Variants in EBF1 observed in about 807,000 individuals in gnomAD.
EBF1 encodes the protein EBF transcription factor 1.
EBF1 carries 10 observed loss-of-function variants against 68.4 expected under a neutral mutation model. The ratio of observed to expected loss-of-function variants is 0.15; its 90% CI spans 0.09 to 0.25. The LOEUF (loss-of-function observed/expected upper bound fraction) is 0.25. Among genes scored for constraint, EBF1 ranks in the 10% least tolerant of loss-of-function variants. The probability of loss-of-function intolerance (pLI) is 1.00; values close to 1 mark genes in which losing one functional copy is unlikely to be tolerated. For synonymous variants in EBF1, 298 were observed against 299.8 expected, an observed-to-expected ratio of 0.99 and a Z score of 0.06; for missense variants, 509 against 794.4, an observed-to-expected ratio of 0.64 and a Z score of 4.32.
intron 6 of EBF1, among the ~76,000 whole-genome samples, chr5:158,944,974 C>A (rs1561587681): frequency 6.6e-6 from 1 of 152,030 alleles, no homozygotes; most frequent in African/African-American, 2.4e-5. Context: ...GATATTAGCC[C>A]TTTGTCAGAT....
intron 6 of EBF1, among the ~76,000 whole-genome samples, chr5:158,876,883 G>A (rs559090630): frequency 6.6e-6 from 1 of 152,084 alleles, no homozygotes; most frequent in African/African-American, 2.4e-5. Context: ...TTCATAATAG[G>A]AGGGTAACAT....
At chr5:158,883,244 T>A (rs73300061) in intron 6 of EBF1, among the ~76,000 whole-genome samples, 7 of 152,024 alleles carry the variant, frequency 4.6e-5, no homozygotes, top group Non-Finnish European at 1.0e-4. Context: ...ATAATACACA[T>A]AAAACATGAA....
intron 10 of EBF1, among the ~76,000 whole-genome samples, chr5:158,759,904 A>G (rs1026312213): frequency 6.6e-6 from 1 of 151,952 alleles, no homozygotes; most frequent in Non-Finnish European, 1.5e-5. Flanking sequence ...TTGGAATTTG[A>G]ATATTATTGC....
rs1005984836 is a variant in EBF1, at chr5:158,818,967, T to C, written c.778+4209A>G. 1.5e-4 allele frequency among the ~76,000 whole-genome samples: 22 copies of C among 150,606 alleles called. No individual in the cohort carries two copies. The South Asian group carries it at 4.6e-3, about 32-fold the overall frequency. On this transcript the variant is annotated intron_variant, in intron 8 of 15. Transcript: ENST00000313708. ...AAAAAACTAGATCTAAAGAATACCC[T>C]ACTGGGGACTTAATCCCACTCCTGG...
intron 6 of EBF1, among the ~76,000 whole-genome samples, chr5:158,979,181 T>A (rs1757420507): frequency 6.6e-6 from 1 of 152,216 alleles, no homozygotes; most frequent in African/African-American, 2.4e-5. Context: ...TAGAGACTAT[T>A]AAAATGTATA....
chr5:158,914,994 A>C (rs992704979), intron 6 of EBF1, among the ~76,000 whole-genome samples: 6 of 152,234 alleles, frequency 3.9e-5, no homozygotes, highest in African/African-American at 1.4e-4. Flanking sequence ...TTTATAATTA[A>C]TGAAAACTGT....
chr5:159,076,367 C>T (rs2127954873), intron 5 of EBF1, among the ~76,000 whole-genome samples: 1 of 152,186 alleles, frequency 6.6e-6, no homozygotes, highest in African/African-American at 2.4e-5. Context: ...CACCTCATCC[C>T]AACCCGTAGA....
At chr5:158,952,455 C>T (rs969159092) in intron 6 of EBF1, among the ~76,000 whole-genome samples, 2 of 152,124 alleles carry the variant, frequency 1.3e-5, no homozygotes, top group Non-Finnish European at 2.9e-5. Flanking sequence ...CAGTGATGGA[C>T]TAAAGAATCT....
chr5:159,090,208 T>C (rs1475109949), intron 4 of EBF1, among the ~76,000 whole-genome samples: 2 of 149,970 alleles, frequency 1.3e-5, no homozygotes, highest in Non-Finnish European at 3.0e-5. Context: ...ATAATAATCA[T>C]TACATTCAAC....
chr5:158,870,208 G>A (rs1036902710), intron 6 of EBF1, among the ~76,000 whole-genome samples: 1 of 152,182 alleles, frequency 6.6e-6, no homozygotes, highest in African/African-American at 2.4e-5. Flanking sequence ...TTGAGGTGAT[G>A]TGAACATTCT....
chr5:158,842,273 A>G (rs1397512218), intron 6 of EBF1, among the ~76,000 whole-genome samples: 1 of 152,254 alleles, frequency 6.6e-6, no homozygotes, highest in Non-Finnish European at 1.5e-5. Flanking sequence ...CATGGCTTTC[A>G]GAAACCATTT....
chr5:158,906,139 A>G (rs893595150), intron 6 of EBF1, among the ~76,000 whole-genome samples: 1 of 151,872 alleles, frequency 6.6e-6, no homozygotes, highest in African/African-American at 2.4e-5. Context: ...AGGTAGACTC[A>G]ATATATCACA....
intron 11 of EBF1, among the ~76,000 whole-genome samples, chr5:158,727,443 C>T (rs1432499362): frequency 6.6e-6 from 1 of 152,174 alleles, no homozygotes; most frequent in Non-Finnish European, 1.5e-5. Context: ...GACCATGTTC[C>T]CCATCCCCTC....
chr5:158,835,850 G>A (rs1455782452), intron 7 of EBF1, among the ~76,000 whole-genome samples: 1 of 151,900 alleles, frequency 6.6e-6, no homozygotes, highest in South Asian at 2.1e-4. Flanking sequence ...TCTTAATAAG[G>A]GTATTTTGAA....
intron 6 of EBF1, among the ~76,000 whole-genome samples, chr5:159,069,131 T>A (rs1777374973): frequency 6.6e-6 from 1 of 151,928 alleles, no homozygotes; most frequent in Non-Finnish European, 1.5e-5. Context: ...CTACATTATA[T>A]CCTTAAAAAA....
At chr5:159,059,216 T>C (rs550835420) in intron 6 of EBF1, among the ~76,000 whole-genome samples, 25 of 152,190 alleles carry the variant, frequency 1.6e-4, no homozygotes, top group Admixed American at 8.5e-4. Flanking sequence ...AACAGACATA[T>C]AATATAACAG....
At chr5:158,704,284 C>T (rs1199336609) in intron 15 of EBF1, among the ~76,000 whole-genome samples, 1 of 152,134 alleles carries the variant, frequency 6.6e-6, no homozygotes. Flanking sequence ...AATAAATATG[C>T]GTGTAGTAAC....
chr5:158,781,739 T>G (rs1276231708), intron 9 of EBF1, among the ~76,000 whole-genome samples: 1 of 152,208 alleles, frequency 6.6e-6, no homozygotes, highest in Non-Finnish European at 1.5e-5. Flanking sequence ...CACTGGCTCT[T>G]CTCTGCTTCT....
intron 7 of EBF1, among the ~76,000 whole-genome samples, chr5:158,837,435 T>C (rs931632298): frequency 1.3e-5 from 2 of 152,216 alleles, no homozygotes; most frequent in African/African-American, 4.8e-5. Context: ...ATGCAAAATA[T>C]TGCTTTCTTT....
Sources: allele counts gnomAD v4.1 joint callset (sites outside exome capture counted in the v4.1 genomes callset), GRCh38; gene constraint gnomAD v4.1.1; transcripts MANE v1.5; gene names NCBI Gene and HGNC (gene_info 2026-07-23, HGNC 2026-07-21).